Variants in SCFD2 observed in about 807,000 individuals in gnomAD.
SCFD2 encodes the protein sec1 family domain containing 2, also known as sec1 family domain-containing protein 2.
A neutral mutation model predicts 58.9 loss-of-function variants in SCFD2; 54 were observed. The ratio of observed to expected loss-of-function variants is 0.92; its 90% CI spans 0.74 to 1.15. SCFD2 has a LOEUF of 1.15. Ranked by LOEUF, SCFD2 falls within the 50% of genes most tolerant of loss-of-function variation. The probability of loss-of-function intolerance (pLI) is 0.00; values close to 1 mark genes in which losing one functional copy is unlikely to be tolerated. For synonymous variants in SCFD2, 321 were observed against 335.9 expected (o/e 0.96, Z 0.49); for missense variants, 805 against 836.6 (o/e 0.96, Z 0.47).
rs572001076 is a variant in SCFD2, at chr4:53,071,573, A to C, written c.1561+73760T>G. Among the ~76,000 whole-genome samples the C allele has an allele frequency of 1.6e-4, 24 of 152,220 alleles. No individual in the cohort carries two copies. In the South Asian group the frequency reaches 4.8e-3, roughly 30 times the overall value. ...ATATCATTTTTAATCCCATCTGTTTATTAAGAAACAAACAAAAAAATCCTG... is the reference window on the plus strand; with the variant it reads ...ATATCATTTTTAATCCCATCTGTTTCTTAAGAAACAAACAAAAAAATCCTG... On this transcript the variant is annotated intron_variant, in intron 5 of 8. Coordinates refer to ENST00000401642, the MANE Select transcript of SCFD2 (RefSeq NM_152540.4).
At chr4:53,125,791 T>C (rs1329564783) in intron 5 of SCFD2, among the ~76,000 whole-genome samples, 10 of 152,192 alleles carry the variant, frequency 6.6e-5, no homozygotes, top group Admixed American at 6.5e-4. Flanking sequence ...CATGTCTGAC[T>C]GGCAGGGTTT....
At chr4:53,116,442 C>T (rs1725321913) in intron 5 of SCFD2, among the ~76,000 whole-genome samples, 1 of 152,208 alleles carries the variant, frequency 6.6e-6, no homozygotes, top group Non-Finnish European at 1.5e-5. Flanking sequence ...AGAAGTGCCA[C>T]ATGCCTCTTA....
intron 5 of SCFD2, among the ~76,000 whole-genome samples, chr4:53,029,299 A>T (rs1272848899): frequency 1.3e-5 from 2 of 152,138 alleles, no homozygotes; most frequent in African/African-American, 4.8e-5. Flanking sequence ...TTGTTCTTCT[A>T]CCCCGTCCAA....
At chr4:53,029,822 T>C (rs565497620) in intron 5 of SCFD2, among the ~76,000 whole-genome samples, 1 of 152,328 alleles carries the variant, frequency 6.6e-6, no homozygotes, top group Non-Finnish European at 1.5e-5. Flanking sequence ...ATAGGAAAAT[T>C]AATTCTAAAT....
chr4:52,927,885 T>G (rs187351718), intron 5 of SCFD2, among the ~76,000 whole-genome samples: 112 of 152,354 alleles, frequency 7.4e-4, no homozygotes, highest in African/African-American at 2.5e-3. Flanking sequence ...ATCTATTATA[T>G]ATACACATAT....
chr4:53,250,750 T>C (rs914859864), intron 4 of SCFD2, among the ~76,000 whole-genome samples: 5 of 152,214 alleles, frequency 3.3e-5, no homozygotes, highest in South Asian at 4.2e-4. Context: ...AAGCAGTGTG[T>C]AGAGGGAAAT....
chr4:53,055,891 G>A (rs765074125), intron 5 of SCFD2, among the ~76,000 whole-genome samples: 45 of 152,160 alleles, frequency 3.0e-4, no homozygotes, highest in African/African-American at 9.6e-4. Flanking sequence ...AAATGAGCTC[G>A]CTGGCCAGAG....
chr4:53,067,525 T>C (rs1723696749), intron 5 of SCFD2, among the ~76,000 whole-genome samples: 1 of 152,056 alleles, frequency 6.6e-6, no homozygotes, highest in African/African-American at 2.4e-5. Context: ...TAGGTGGAGA[T>C]AACTGAATCA....
chr4:53,068,994 T>C (rs1191477740), intron 5 of SCFD2, among the ~76,000 whole-genome samples: 1 of 152,032 alleles, frequency 6.6e-6, no homozygotes, highest in African/African-American at 2.4e-5. Flanking sequence ...GTGGGTCATT[T>C]AGAACAGGAA....
intron 5 of SCFD2, among the ~76,000 whole-genome samples, chr4:52,974,000 GGTATTGATGGGACATATCTCAAAATA>G (rs1363029172): frequency 2.6e-5 from 4 of 152,248 alleles, no homozygotes; most frequent in African/African-American, 9.6e-5. Context: ...CAATAAATTA[GGTATTGATGGGACATATCTCAAAATA>G]GTAAGAGCTA....
chr4:52,977,713 A>T lies in SCFD2; in HGVS notation c.1562-56843T>A, dbSNP rs189407358. On this transcript the variant is annotated intron_variant, in intron 5 of 8. Transcript: ENST00000401642. ...CTAGTTATCAGGAATATGAACATAT[A>T]ATAAAGAGGAAAATTGTTACAGAGG... is the stretch of plus-strand genomic sequence containing the variant. Among the ~76,000 whole-genome samples the T allele has an allele frequency of 2.6e-4, 39 of 152,308 alleles. 1 individual carries two copies. Among genetic ancestry groups the T allele is most frequent in the Middle Eastern group, 3.4e-3 (1 of 294 alleles).
intron 5 of SCFD2, among the ~76,000 whole-genome samples, chr4:53,037,639 T>C (rs1244264433): frequency 6.6e-6 from 1 of 152,196 alleles, no homozygotes; most frequent in Non-Finnish European, 1.5e-5. Context: ...AGTTAGAATA[T>C]GTTATGTAAC....
At chr4:53,211,647 G>A (rs1728616421) in intron 4 of SCFD2, among the ~76,000 whole-genome samples, 1 of 152,100 alleles carries the variant, frequency 6.6e-6, no homozygotes, top group Non-Finnish European at 1.5e-5. Flanking sequence ...CAAATTGGAT[G>A]ATGCTCAGCT....
chr4:53,165,604 A>G (rs926767645), intron 4 of SCFD2, among the ~76,000 whole-genome samples: 3 of 151,604 alleles, frequency 2.0e-5, no homozygotes, highest in Admixed American at 2.0e-4. Flanking sequence ...GCCTCCATTC[A>G]CCCAATTACC....
chr4:53,253,759 G>T (rs1207359580), intron 4 of SCFD2, among the ~76,000 whole-genome samples: 1 of 112,878 alleles, frequency 8.9e-6, no homozygotes, highest in Admixed American at 1.0e-4. Flanking sequence ...GGAGGGGGGA[G>T]GGATTGCATT....
At chr4:52,890,188 G>A (rs1718848307) in intron 7 of SCFD2, among the ~76,000 whole-genome samples, 1 of 152,160 alleles carries the variant, frequency 6.6e-6, no homozygotes, top group South Asian at 2.1e-4. Context: ...ACTTGAACGT[G>A]GTGCAATATG....
At chr4:52,948,845 C>T (rs1182769460) in intron 5 of SCFD2, 1 of 190,994 alleles carries the variant, frequency 5.2e-6, no homozygotes, top group African/African-American at 2.4e-5. Context: ...TGTATATTCT[C>T]TTTCTCCCAC....
chr4:53,145,225 A>G, intron 5 of SCFD2, 108 bp downstream of exon 5: 1 of 1,369,394 alleles, frequency 7.3e-7, no homozygotes, highest in South Asian at 1.4e-5. Context: ...GAAATTCCAA[A>G]CAACTCCAGT....
chr4:53,193,070 A>C (rs1185358060), intron 4 of SCFD2, among the ~76,000 whole-genome samples: 4 of 152,208 alleles, frequency 2.6e-5, no homozygotes, highest in African/African-American at 9.6e-5. Context: ...CAGACTGCTA[A>C]ACTGAGAAAT....
Sources: allele counts gnomAD v4.1 joint callset (sites outside exome capture counted in the v4.1 genomes callset), GRCh38; gene constraint gnomAD v4.1.1; transcripts MANE v1.5; gene names NCBI Gene and HGNC (gene_info 2026-07-23, HGNC 2026-07-21).